The following MTHFD1L variants were observed in gnomAD, a reference collection of about 807,000 sequenced individuals.
MTHFD1L encodes methylenetetrahydrofolate dehydrogenase (NADP+ dependent) 1 like, also known as monofunctional C1-tetrahydrofolate synthase, mitochondrial.
In MTHFD1L, 81 loss-of-function variants were observed where a neutral mutation model predicts 119.5. The observed-to-expected ratio is 0.68, with a 90% CI of 0.57 to 0.82. MTHFD1L has a LOEUF of 0.82. Ranked by LOEUF, MTHFD1L falls within the 40% of genes least tolerant of loss-of-function variation. The pLI, the probability that MTHFD1L is intolerant of heterozygous loss-of-function variation, is 0.00. For missense variants in MTHFD1L, 1,125 were observed against 1,253.4 expected (o/e 0.90, Z 1.55); for synonymous variants, 430 against 475.2 (o/e 0.90, Z 1.24).
At chr6:150,879,401 C>T (rs1389744189) in intron 4 of MTHFD1L, among the ~76,000 whole-genome samples, 1 of 152,014 alleles carries the variant, frequency 6.6e-6, no homozygotes, top group Non-Finnish European at 1.5e-5. Context: ...CATTCTCCTG[C>T]CTCAGCCTCC....
chr6:150,866,647 C>G (rs1302947299), intron 1 of MTHFD1L: 5 of 1,197,046 alleles, frequency 4.2e-6, no homozygotes. Flanking sequence ...TGGAGCCGGG[C>G]CCCCGGGACA....
chr6:150,966,566 T>C (rs1421251094), intron 19 of MTHFD1L, among the ~76,000 whole-genome samples: 1 of 152,168 alleles, frequency 6.6e-6, no homozygotes, highest in Non-Finnish European at 1.5e-5. Context: ...CTCAAGCCTG[T>C]AATCCCAGCA....
At chr6:151,054,109 C>T (rs937789896) in intron 26 of MTHFD1L, among the ~76,000 whole-genome samples, 2 of 152,132 alleles carry the variant, frequency 1.3e-5, no homozygotes, top group Non-Finnish European at 2.9e-5. Context: ...AACCACCTAA[C>T]AGCCAGGTTC....
intron 1 of MTHFD1L, among the ~76,000 whole-genome samples, chr6:150,870,826 G>T (rs921302709): frequency 6.6e-6 from 1 of 151,412 alleles, no homozygotes; most frequent in Non-Finnish European, 1.5e-5. Flanking sequence ...CAGGAGAATC[G>T]CTTTAACCCG....
chr6:151,068,385 G>A lies in MTHFD1L; in HGVS notation c.2848-24082G>A, dbSNP rs77400069. On this transcript the variant is annotated intron_variant, in intron 26 of 27. Transcript: ENST00000367321. ...AGACACCTCAGGATTTTCCAGTATC[G>A]TTTTTCACTTTTTGTTCTTGGACAT... is the stretch of plus-strand genomic sequence containing the variant. Among the ~76,000 whole-genome samples, 987 of 152,278 alleles carry A rather than the reference G, an allele frequency of 6.5e-3. 13 individuals are homozygous for A. Among genetic ancestry groups the A allele is most frequent in the African/African-American group, 0.023 (951 of 41,556 alleles).
In MTHFD1L at chr6:150,972,029, T is replaced by A; in HGVS notation, c.2096T>A (p.Leu699Gln). Residue 699 changes from leucine (L) to glutamine (Q), a missense_variant, in exon 20 of 28, where the codon CTG (leucine) becomes CAG (glutamine). Physicochemically the swap from Leu to Gln is moderately radical, Grantham distance 113 (BLOSUM62 -2). This residue lies in a region of MTHFD1L where 1,058 missense variants were observed against 1,151.2 expected (regional missense o/e 0.92). Coordinates refer to ENST00000367321, the MANE Select transcript of MTHFD1L (RefSeq NM_015440.5). ...TCAGTGTTGGCTGATAAAATTGCCC[T>A]GAAACTGGTTGGTGAAGAAGGATTT... Reference protein sequence around the residue: ...NSSVLADKIALKLVGEEGFVV... With the variant: ...NSSVLADKIAQKLVGEEGFVV... The A allele has an allele frequency of 6.2e-7, 1 of 1,614,170 alleles. No homozygotes were observed. The highest frequency in any genetic ancestry group is 8.5e-7 in the Non-Finnish European group (1 of 1,180,002).
chr6:150,868,374 C>G (rs558418472), intron 1 of MTHFD1L, among the ~76,000 whole-genome samples: 15 of 147,722 alleles, frequency 1.0e-4, no homozygotes, highest in African/African-American at 3.3e-4. Context: ...GAATCTCACT[C>G]TGTCGCACAG....
At chr6:150,971,904 T>C in intron 19 of MTHFD1L, 43 bp from the exon 20 acceptor site, 2 of 1,561,934 alleles carry the variant, frequency 1.3e-6, no homozygotes. Context: ...TCCATGCTTC[T>C]GTTTGTCTTT....
Position 150,960,286 on chromosome 6 carries a change from C to T in MTHFD1L, c.1815C>T (p.Asp605=), listed in dbSNP as rs1318877581. Residue 605 remains aspartate, a synonymous_variant, in exon 18 of 28, where the codon GAC becomes GAT. Coordinates refer to ENST00000367321, the MANE Select transcript of MTHFD1L (RefSeq NM_015440.5). ...TTGGGCTGGTTCAGGCGCAGTTTGACATCGCAGTGGCCAGCGAGATCATGG... is the reference window on the plus strand; with the variant it reads ...TTGGGCTGGTTCAGGCGCAGTTTGATATCGCAGTGGCCAGCGAGATCATGG... The part of the protein sequence containing the change: ...EKGHYRQAQF[D]IAVASEIMAV... 6.2e-7 allele frequency: 1 copy of T among 1,612,850 alleles called. No homozygotes were observed. Among genetic ancestry groups the T allele is most frequent in the Non-Finnish European group, 8.5e-7 (1 of 1,179,498 alleles).
chr6:150,979,767 A>T (rs4869964), intron 20 of MTHFD1L, among the ~76,000 whole-genome samples: 6 of 152,016 alleles, frequency 3.9e-5, no homozygotes, highest in Admixed American at 3.3e-4. Context: ...CCCAAAGTGT[A>T]GAGATTATAG....
rs75947401 is a variant in MTHFD1L at position 150,923,891 on chromosome 6, G to T, written c.1082+1589G>T. On this transcript the variant is annotated intron_variant, in intron 10 of 27. Coordinates refer to ENST00000367321, the MANE Select transcript of MTHFD1L (RefSeq NM_015440.5). ...TTATTCTTTGTAATATCATCCCTGGGCTTGTGCAATCTGTTTCATAAAATA... is the reference window on the plus strand; with the variant it reads ...TTATTCTTTGTAATATCATCCCTGGTCTTGTGCAATCTGTTTCATAAAATA... Among the ~76,000 whole-genome samples the T allele has an allele frequency of 3.3e-5, 5 of 151,844 alleles. No homozygotes were observed. In the East Asian group the frequency reaches 9.6e-4, roughly 29 times the overall value.
intron 26 of MTHFD1L, among the ~76,000 whole-genome samples, chr6:151,089,610 A>C (rs1794194429): frequency 6.6e-6 from 1 of 152,240 alleles, no homozygotes; most frequent in African/African-American, 2.4e-5. Flanking sequence ...CAAAAACAAA[A>C]ACCTCCTATA....
chr6:150,867,129 C>G (rs985742775), intron 1 of MTHFD1L, among the ~76,000 whole-genome samples: 2 of 152,036 alleles, frequency 1.3e-5, no homozygotes, highest in Admixed American at 1.3e-4. Flanking sequence ...AATACGTTTC[C>G]TAGGCTCTTT....
intron 19 of MTHFD1L, among the ~76,000 whole-genome samples, chr6:150,969,298 C>T (rs803514): frequency 0.52 from 78,299 of 152,016 alleles, 21,314 homozygotes; most frequent in African/African-American, 0.66. Flanking sequence ...CTTTTTAAAA[C>T]ATAATCTAAA....
chr6:150,962,902 T>G (rs559232388), intron 18 of MTHFD1L, among the ~76,000 whole-genome samples: 1 of 137,494 alleles, frequency 7.3e-6, no homozygotes, highest in African/African-American at 2.8e-5. Context: ...GATTTCTTTT[T>G]TCTTTTCTTT....
At chr6:150,945,905 A>G (rs1793854367) in intron 15 of MTHFD1L, among the ~76,000 whole-genome samples, 1 of 152,088 alleles carries the variant, frequency 6.6e-6, no homozygotes, top group South Asian at 2.1e-4. Flanking sequence ...CTGATGTGAG[A>G]GGTTTGCTTG....
intron 26 of MTHFD1L, among the ~76,000 whole-genome samples, chr6:151,040,996 C>A (rs1405915428): frequency 6.6e-6 from 1 of 152,230 alleles, no homozygotes; most frequent in African/African-American, 2.4e-5. Flanking sequence ...GAAGTGAGCC[C>A]TCTGTGTCAT....
At chr6:151,026,726 G>A (rs1424154275) in intron 24 of MTHFD1L, among the ~76,000 whole-genome samples, 1 of 149,292 alleles carries the variant, frequency 6.7e-6, no homozygotes, top group East Asian at 2.0e-4. Flanking sequence ...TATTCACTAT[G>A]TCCCACTCAG....
At chr6:150,958,229 T>A (rs1738581) in intron 17 of MTHFD1L, among the ~76,000 whole-genome samples, 1 of 151,928 alleles carries the variant, frequency 6.6e-6, no homozygotes, top group Non-Finnish European at 1.5e-5. Context: ...AAGACTGTAG[T>A]GAAGACATCT....
Sources: gnomAD v4.1 joint callset for allele counts (sites outside exome capture counted in the v4.1 genomes callset) on GRCh38, gnomAD v4.1.1 for gene constraint, gnomAD v4.1.1 regional missense constraint, MANE v1.5 for transcripts, NCBI Gene and HGNC (gene_info 2026-07-23, HGNC 2026-07-21) for gene names.